UBL3: variants seen among roughly 807,000 people sequenced by gnomAD.
UBL3 encodes ubiquitin like 3.
In UBL3, 6 loss-of-function variants were observed where a neutral mutation model predicts 18.4. The observed-to-expected ratio is 0.33, with a 90% CI of 0.18 to 0.64. The LOEUF (loss-of-function observed/expected upper bound fraction) is 0.64, where lower values mean the gene tolerates loss of function less well. UBL3 is among the 30% of genes least tolerant of loss of function. The pLI is 0.76. For synonymous variants in UBL3, 49 were observed against 46.6 expected (o/e 1.05, Z -0.21); for missense variants, 109 against 142.9 (o/e 0.76, Z 1.21).
chr13:29,802,375 G>C (rs1877794557), intron 1 of UBL3, among the ~76,000 whole-genome samples: 1 of 152,220 alleles, frequency 6.6e-6, no homozygotes, highest in African/African-American at 2.4e-5. Flanking sequence ...AGAGAAGAAA[G>C]AACCAGTGCA....
intron 2 of UBL3, among the ~76,000 whole-genome samples, chr13:29,773,252 G>C (rs1593649032): frequency 6.6e-6 from 1 of 152,202 alleles, no homozygotes; most frequent in South Asian, 2.1e-4. Context: ...ACTGCCTATA[G>C]GTAACTTAGG....
intron 1 of UBL3, among the ~76,000 whole-genome samples, chr13:29,780,281 G>A (rs1877113227): frequency 6.8e-6 from 1 of 147,384 alleles, no homozygotes. Context: ...GTGAACCTGG[G>A]AGGTGGAGCT....
At chr13:29,837,128 C>T (rs952530678) in intron 1 of UBL3, among the ~76,000 whole-genome samples, 7 of 152,264 alleles carry the variant, frequency 4.6e-5, no homozygotes, top group Admixed American at 2.6e-4. Context: ...AAATCCTATA[C>T]GGAGAAACAT....
Position 29,772,155 on chromosome 13 carries a change from A to T in UBL3, c.180T>A (p.Leu60=). The change falls in exon 3 of 5, where the codon CTT becomes CTA. Residue 60 remains leucine, a synonymous_variant. Coordinates refer to ENST00000380680, the MANE Select transcript of UBL3 (RefSeq NM_007106.4). ...EQVSSPNILR[L]IYQGRFLHGN... ...CATGTAGAAATCGTCCTTGATAAAT[A>T]AGTCGTAGAATATTTGGACTGCTGA... 6.2e-7 allele frequency: 1 copy of T among 1,612,166 alleles called. No individual in the cohort carries two copies. The highest frequency in any genetic ancestry group is 1.7e-5 in the Admixed American group (1 of 59,914).
At position 29,775,908 on chromosome 13, in the gene UBL3, C is replaced by T. The variant is rs189915379; in HGVS notation, c.136+1247G>A. Among the ~76,000 whole-genome samples, 24 of 151,864 alleles carry T rather than the reference C, an allele frequency of 1.6e-4. 1 individual carries two copies. The East Asian group carries it at 3.7e-3, about 23-fold the overall frequency. ...CTGGGATTATAGACGTGAGCCACCACGCCCAGCTGACGGTCTTATTATATA... is the reference window on the plus strand; with the variant it reads ...CTGGGATTATAGACGTGAGCCACCATGCCCAGCTGACGGTCTTATTATATA... On this transcript the variant is annotated intron_variant, in intron 2 of 4. Coordinates refer to ENST00000380680, the MANE Select transcript of UBL3 (RefSeq NM_007106.4).
intron 1 of UBL3, among the ~76,000 whole-genome samples, chr13:29,835,126 ATATATAT>A (rs1878909263): frequency 6.1e-4 from 2 of 3,296 alleles, no homozygotes; most frequent in Admixed American, 4.0e-3. Flanking sequence ...ATATATATAA[ATATATAT>A]ATATATATAT....
intron 2 of UBL3, among the ~76,000 whole-genome samples, chr13:29,776,526 G>A (rs1380334679): frequency 6.6e-6 from 1 of 152,038 alleles, no homozygotes; most frequent in African/African-American, 2.4e-5. Context: ...GTCTCCCAAA[G>A]TGCTGGGATT....
intron 1 of UBL3, among the ~76,000 whole-genome samples, chr13:29,818,348 T>C (rs1232190455): frequency 6.6e-6 from 1 of 152,174 alleles, no homozygotes; most frequent in African/African-American, 2.4e-5. Flanking sequence ...ACACAGGAAT[T>C]CAGAGACACT....
intron 1 of UBL3, among the ~76,000 whole-genome samples, chr13:29,832,945 A>T (rs572857366): frequency 6.6e-6 from 1 of 152,370 alleles, no homozygotes; most frequent in East Asian, 1.9e-4. Context: ...GTCAAGGTCC[A>T]CTTTAAGCAG....
At position 29,849,857 on chromosome 13, in the gene UBL3, CACACGG is replaced by C. The variant is rs935765533; in HGVS notation, c.-325_-320del. 5 of 517,060 alleles carry C rather than the reference CACACGG, an allele frequency of 9.7e-6. No homozygotes were observed. Among genetic ancestry groups the C allele is most frequent in the African/African-American group, 9.6e-5 (5 of 51,936 alleles). 32.0% of individuals were successfully genotyped at this position (517,060 alleles called of 1,614,324 possible). A position where few individuals can be genotyped will look rare whatever the true frequency, so the allele number is the denominator to read the frequency against. On this transcript the variant is annotated 5_prime_UTR_variant, in exon 1 of 5. Coordinates refer to ENST00000380680, the MANE Select transcript of UBL3 (RefSeq NM_007106.4). Reference sequence around the variant, plus strand: ...GCGCCAGGTGGACCGAGCCGAGTGACACACGGACATGGAGAGGGGTGGGAGGGGGTT... The same window carrying C: ...GCGCCAGGTGGACCGAGCCGAGTGACACATGGAGAGGGGTGGGAGGGGGTT...
chr13:29,835,153 T>TATATAA (rs1878921435), intron 1 of UBL3, among the ~76,000 whole-genome samples: 2 of 30,494 alleles, frequency 6.6e-5, no homozygotes, highest in Non-Finnish European at 5.9e-5. Flanking sequence ...TATATATATA[T>TATATAA]ATATATATAT....
chr13:29,789,703 T>C (rs1183544169), intron 1 of UBL3, among the ~76,000 whole-genome samples: 2 of 152,244 alleles, frequency 1.3e-5, no homozygotes, highest in Admixed American at 6.5e-5. Context: ...TTGCTTTTTT[T>C]CAAATATGTT....
intron 1 of UBL3, among the ~76,000 whole-genome samples, chr13:29,805,181 A>G (rs1877869246): frequency 6.6e-6 from 1 of 152,248 alleles, no homozygotes; most frequent in South Asian, 2.1e-4. Context: ...TATTTGAAAT[A>G]CTAAGATTTA....
rs572571893 is a variant in UBL3 at position 29,819,887 on chromosome 13, T to C, written c.27+29625A>G. ...GGAGATAATTCAAGGACAATAATCCTTTTTCCCCAATCCCTACCCCCAAAA... is the reference window on the plus strand; with the variant it reads ...GGAGATAATTCAAGGACAATAATCCCTTTTCCCCAATCCCTACCCCCAAAA... On this transcript the variant is annotated intron_variant, in intron 1 of 4. Coordinates refer to ENST00000380680, the MANE Select transcript of UBL3 (RefSeq NM_007106.4). Among the ~76,000 whole-genome samples the C allele has an allele frequency of 3.4e-3, 517 of 152,046 alleles. 5 individuals are homozygous for C. Among genetic ancestry groups the C allele is most frequent in the Non-Finnish European group, 4.1e-3 (280 of 67,972 alleles).
In UBL3 at chr13:29,765,456, A is replaced by G. The variant is rs1429021905; in HGVS notation, c.*1799T>C. 2 of 152,170 alleles carry G rather than the reference A, an allele frequency of 1.3e-5. No individual in the cohort carries two copies. The highest frequency in any genetic ancestry group is 2.9e-5 in the Non-Finnish European group (2 of 67,994). 9.4% of individuals were successfully genotyped at this position (152,170 alleles called of 1,614,324 possible). ...GACTGTCCACAAATTAACCAGGTTA[A>G]ATATCAAAGATACATTGGGAATACT... On this transcript the variant is annotated 3_prime_UTR_variant, in exon 5 of 5. Transcript: ENST00000380680.
intron 1 of UBL3, among the ~76,000 whole-genome samples, chr13:29,798,610 T>C (rs1877677005): frequency 6.6e-6 from 1 of 152,192 alleles, no homozygotes; most frequent in South Asian, 2.1e-4. Flanking sequence ...ATTTAAGCCT[T>C]ATTATTTTGA....
At chr13:29,811,465 C>T (rs1490920505) in intron 1 of UBL3, among the ~76,000 whole-genome samples, 1 of 151,998 alleles carries the variant, frequency 6.6e-6, no homozygotes, top group Non-Finnish European at 1.5e-5. Flanking sequence ...TGACCTAGTT[C>T]TGGACAAAGA....
intron 1 of UBL3, among the ~76,000 whole-genome samples, chr13:29,785,335 T>C (rs982634977): frequency 6.8e-6 from 1 of 146,248 alleles, no homozygotes; most frequent in Non-Finnish European, 1.5e-5. Flanking sequence ...TAATTTATAA[T>C]TGTCTTAAAA....
intron 1 of UBL3, among the ~76,000 whole-genome samples, chr13:29,805,193 G>C (rs1412804612): frequency 6.6e-6 from 1 of 152,186 alleles, no homozygotes; most frequent in African/African-American, 2.4e-5. Context: ...TAAGATTTAT[G>C]TAAAACATAC....
Sources: allele counts gnomAD v4.1 joint callset (sites outside exome capture counted in the v4.1 genomes callset), GRCh38; gene constraint gnomAD v4.1.1; transcripts MANE v1.5; gene names NCBI Gene and HGNC (gene_info 2026-07-23, HGNC 2026-07-21).